Variants in RORA observed in about 807,000 individuals in gnomAD.
The protein encoded by RORA is nuclear receptor ROR-alpha.
In RORA, 7 loss-of-function variants were observed where a neutral mutation model predicts 69.5. That is an observed-to-expected ratio of 0.10 (90% CI 0.06 to 0.19). The LOEUF (loss-of-function observed/expected upper bound fraction) is 0.19. Among genes scored for constraint, RORA ranks in the 10% least tolerant of loss-of-function variants. The pLI, the probability that RORA is intolerant of heterozygous loss-of-function variation, is 1.00. For missense variants in RORA, 457 were observed against 663.0 expected, an observed-to-expected ratio of 0.69 and a Z score of 3.41; for synonymous variants, 261 against 240.8, an observed-to-expected ratio of 1.08 and a Z score of -0.78.
chr15:60,634,796 A>G (rs1472283489), intron 2 of RORA, among the ~76,000 whole-genome samples: 5 of 151,988 alleles, frequency 3.3e-5, no homozygotes, highest in African/African-American at 1.2e-4. Flanking sequence ...GCTTGTTTTC[A>G]TTTCTCTCTC....
At chr15:60,819,293 G>A (rs1170942240) in intron 1 of RORA, among the ~76,000 whole-genome samples, 2 of 152,190 alleles carry the variant, frequency 1.3e-5, no homozygotes, top group Non-Finnish European at 2.9e-5. Flanking sequence ...AAACCATGAT[G>A]TACAAGAAAA....
chr15:60,983,977 AT>A (rs1267525745), intron 1 of RORA, among the ~76,000 whole-genome samples: 1 of 152,160 alleles, frequency 6.6e-6, no homozygotes, highest in Non-Finnish European at 1.5e-5. Context: ...AGAATTCATA[AT>A]TTTTGATTTG....
intron 1 of RORA, among the ~76,000 whole-genome samples, chr15:60,940,907 C>G (rs1209662907): frequency 1.3e-5 from 2 of 152,152 alleles, no homozygotes; most frequent in Admixed American, 1.3e-4. Context: ...AGCCTGGCAG[C>G]AGAGTGAGAC....
At chr15:60,673,026 C>T (rs865814627) in intron 2 of RORA, among the ~76,000 whole-genome samples, 3 of 152,186 alleles carry the variant, frequency 2.0e-5, no homozygotes, top group South Asian at 2.1e-4. Flanking sequence ...GTAGGCTAGG[C>T]ATGTTTGTTT....
intron 2 of RORA, among the ~76,000 whole-genome samples, chr15:60,671,124 C>G (rs1464201830): frequency 7.3e-6 from 1 of 136,128 alleles, no homozygotes; most frequent in Non-Finnish European, 1.5e-5. Context: ...CTGTTAGCTT[C>G]CAGGGTTTTT....
At chr15:61,191,701 C>T (rs764323638) in intron 1 of RORA, among the ~76,000 whole-genome samples, 5 of 152,218 alleles carry the variant, frequency 3.3e-5, no homozygotes, top group African/African-American at 4.8e-5. Context: ...CTCATGCAGA[C>T]GCAGCACACA....
intron 1 of RORA, among the ~76,000 whole-genome samples, chr15:61,079,170 T>A (rs539977205): frequency 6.6e-6 from 1 of 152,320 alleles, no homozygotes; most frequent in East Asian, 1.9e-4. Context: ...CTACGACTAT[T>A]ACAAGACCAT....
intron 1 of RORA, among the ~76,000 whole-genome samples, chr15:60,703,853 A>G (rs1340731924): frequency 6.6e-6 from 1 of 151,798 alleles, no homozygotes; most frequent in Non-Finnish European, 1.5e-5. Context: ...GAAATATTTG[A>G]GCACTTGAAA....
chr15:61,191,679 A>G (rs949291140), intron 1 of RORA, among the ~76,000 whole-genome samples: 4 of 152,218 alleles, frequency 2.6e-5, no homozygotes, highest in Non-Finnish European at 4.4e-5. Flanking sequence ...CAATAAGAAC[A>G]GTAAAGTGGT....
intron 1 of RORA, among the ~76,000 whole-genome samples, chr15:60,918,151 C>A (rs1891934973): frequency 6.6e-6 from 1 of 152,216 alleles, no homozygotes; most frequent in African/African-American, 2.4e-5. Context: ...AGCACCATCC[C>A]CAAGTCATAT....
rs147267611 is a variant in RORA, at chr15:60,988,588, C to T, written c.166+240465G>A. Among the ~76,000 whole-genome samples the T allele has an allele frequency of 3.6e-4, 55 of 152,334 alleles. No homozygotes were observed. In the East Asian group the frequency reaches 9.4e-3, roughly 26 times the overall value. On this transcript the variant is annotated intron_variant, in intron 1 of 10. Transcript: ENST00000335670. ...CCCATTGACCATGGCAAATCCTCTA[C>T]TGCTAAACTATTAGAATTACGACTC...
intron 1 of RORA, among the ~76,000 whole-genome samples, chr15:60,788,046 G>T (rs572410126): frequency 6.6e-6 from 1 of 152,350 alleles, no homozygotes; most frequent in African/African-American, 2.4e-5. Flanking sequence ...CTATGAAGGA[G>T]AAGTACAAGG....
At chr15:61,214,713 G>A (rs1325689015) in intron 1 of RORA, among the ~76,000 whole-genome samples, 2 of 152,030 alleles carry the variant, frequency 1.3e-5, no homozygotes, top group African/African-American at 4.8e-5. Context: ...GATGGACCAG[G>A]TAAAAGTTTT....
In RORA at chr15:60,949,172, C is replaced by G. The variant is rs531808659; in HGVS notation, c.167-270486G>C. ...TTGTTACACCCAGTAGCACACACCCCCTATGACATGGCCCCTTCCCCGTGA... is the reference window on the plus strand; with the variant it reads ...TTGTTACACCCAGTAGCACACACCCGCTATGACATGGCCCCTTCCCCGTGA... On this transcript the variant is annotated intron_variant, in intron 1 of 10. Coordinates refer to ENST00000335670, the MANE Select transcript of RORA (RefSeq NM_134261.3). Among the ~76,000 whole-genome samples the G allele has an allele frequency of 2.6e-5, 4 of 152,280 alleles. No homozygotes were observed. The South Asian group carries it at 8.3e-4, about 32-fold the overall frequency.
At chr15:60,683,168 G>A (rs544677270) in intron 1 of RORA, among the ~76,000 whole-genome samples, 7 of 152,214 alleles carry the variant, frequency 4.6e-5, no homozygotes, top group South Asian at 2.1e-4. Context: ...GTGGCACCAT[G>A]CCCAGAGAAT....
At chr15:61,031,496 G>A (rs1896166717) in intron 1 of RORA, among the ~76,000 whole-genome samples, 1 of 152,174 alleles carries the variant, frequency 6.6e-6, no homozygotes, top group South Asian at 2.1e-4. Context: ...TATTGTTGCT[G>A]AAGTTTTGTA....
chr15:60,624,999 T>C (rs746538179), intron 2 of RORA, among the ~76,000 whole-genome samples: 3 of 152,158 alleles, frequency 2.0e-5, no homozygotes, highest in Non-Finnish European at 2.9e-5. Context: ...CATTGGGAAA[T>C]GTAGGGCTTA....
intron 1 of RORA, among the ~76,000 whole-genome samples, chr15:61,009,126 T>C (rs1895010801): frequency 1.3e-5 from 2 of 152,218 alleles, no homozygotes; most frequent in African/African-American, 4.8e-5. Context: ...TAGTGATTCA[T>C]CACTTTGAGT....
intron 1 of RORA, among the ~76,000 whole-genome samples, chr15:60,825,444 C>G (rs1335032129): frequency 6.6e-6 from 1 of 152,188 alleles, no homozygotes; most frequent in African/African-American, 2.4e-5. Context: ...TATGGCAAAG[C>G]TATCTTAGAG....
Sources: gnomAD v4.1 joint callset for allele counts (sites outside exome capture counted in the v4.1 genomes callset) on GRCh38, gnomAD v4.1.1 for gene constraint, MANE v1.5 for transcripts, NCBI Gene and HGNC (gene_info 2026-07-23, HGNC 2026-07-21) for gene names.